Variants in C8orf89 observed in about 807,000 individuals in gnomAD.
C8orf89 encodes chromosome 8 open reading frame 89.
A neutral mutation model predicts 15.8 loss-of-function variants in C8orf89; 14 were observed. The ratio of observed to expected loss-of-function variants is 0.89; its 90% CI spans 0.59 to 1.39. C8orf89 has a LOEUF of 1.39. Ranked by LOEUF, C8orf89 falls within the 40% of genes most tolerant of loss-of-function variation. The pLI is 0.00. For synonymous variants in C8orf89, 55 were observed against 62.2 expected, an observed-to-expected ratio of 0.88 and a Z score of 0.54; for missense variants, 181 against 184.5, an observed-to-expected ratio of 0.98 and a Z score of 0.11.
At chr8:73,246,796 A>C (rs1813139236) in intron 3 of C8orf89, among the ~76,000 whole-genome samples, 2 of 152,224 alleles carry the variant, frequency 1.3e-5, no homozygotes, top group African/African-American at 4.8e-5. Flanking sequence ...AAGTTCATGA[A>C]CATTTAAACT....
At chr8:73,258,708 A>C (rs1813461961) in intron 1 of C8orf89, among the ~76,000 whole-genome samples, 1 of 149,194 alleles carries the variant, frequency 6.7e-6, no homozygotes, top group Non-Finnish European at 1.5e-5. Flanking sequence ...GGCTCACTGC[A>C]GCCTCACCCT....
upstream of C8orf89, among the ~76,000 whole-genome samples, chr8:73,260,093 AG>A (rs1813494886): frequency 6.6e-6 from 1 of 152,228 alleles, no homozygotes; most frequent in South Asian, 2.1e-4. Flanking sequence ...AGCCAGATTC[AG>A]CTATGCTTAT....
At chr8:73,274,823 C>T in the C8orf89 span, among the ~76,000 whole-genome samples, 1 of 151,982 alleles carries the variant, frequency 6.6e-6, no homozygotes, top group African/African-American at 2.4e-5. Flanking sequence ...TTTTTTCACT[C>T]GAGATTGAGT....
intron 2 of C8orf89, among the ~76,000 whole-genome samples, chr8:73,255,305 G>A (rs1044799472): frequency 1.1e-3 from 162 of 152,210 alleles, no homozygotes; most frequent in African/African-American, 3.5e-3. Flanking sequence ...AAAAGTGGGC[G>A]AAGGACACAA....
intron 3 of C8orf89, among the ~76,000 whole-genome samples, chr8:73,243,016 AC>A (rs1162694784): frequency 3.9e-5 from 6 of 152,338 alleles, no homozygotes; most frequent in African/African-American, 1.4e-4. Flanking sequence ...TATGGTTGGA[AC>A]TGGAGATCAT....
At chr8:73,275,678 C>T in the C8orf89 span, among the ~76,000 whole-genome samples, 2 of 152,054 alleles carry the variant, frequency 1.3e-5, no homozygotes, top group Non-Finnish European at 2.9e-5. Context: ...CATTTTTGTA[C>T]AGGGTTTTGT....
chr8:73,254,069 T>C, intron 2 of C8orf89, among the ~76,000 whole-genome samples: 1 of 152,198 alleles, frequency 6.6e-6, no homozygotes, highest in Non-Finnish European at 1.5e-5. Flanking sequence ...GGCTGTGGGT[T>C]TGTCATAGAT....
At chr8:73,281,846 C>A in the C8orf89 span, among the ~76,000 whole-genome samples, 1 of 152,182 alleles carries the variant, frequency 6.6e-6, no homozygotes, top group Non-Finnish European at 1.5e-5. Flanking sequence ...TAATGTGTAA[C>A]ACTGCAAGAA....
chr8:73,278,947 T>C, the C8orf89 span, among the ~76,000 whole-genome samples: 1 of 152,176 alleles, frequency 6.6e-6, no homozygotes, highest in Non-Finnish European at 1.5e-5. Flanking sequence ...TTCCCCCTTT[T>C]TAATTCTCAT....
chr8:73,250,425 G>T, intron 2 of C8orf89, 102 bp from the exon 3 acceptor site: 1 of 684,200 alleles, frequency 1.5e-6, no homozygotes, highest in Non-Finnish European at 2.4e-6. Flanking sequence ...TAAATGTTAA[G>T]GAAAGGAAAG....
chr8:73,260,179 G>A (rs1333902446), upstream of C8orf89, among the ~76,000 whole-genome samples: 5 of 152,302 alleles, frequency 3.3e-5, no homozygotes, highest in East Asian at 9.6e-4. Context: ...AGAGAAACAT[G>A]CTAAGCAAAA....
the C8orf89 span, among the ~76,000 whole-genome samples, chr8:73,275,707 G>A: frequency 6.6e-6 from 1 of 151,874 alleles, no homozygotes; most frequent in African/African-American, 2.4e-5. Flanking sequence ...TATTTGTAGT[G>A]CTTTATATTT....
upstream of C8orf89, among the ~76,000 whole-genome samples, chr8:73,263,450 G>A (rs1447173877): frequency 6.6e-6 from 1 of 151,536 alleles, no homozygotes; most frequent in Non-Finnish European, 1.5e-5. Context: ...AGAAGTAGAG[G>A]TTGCAGTGAG....
the C8orf89 span, among the ~76,000 whole-genome samples, chr8:73,273,088 C>T: frequency 6.6e-6 from 1 of 152,206 alleles, no homozygotes; most frequent in Non-Finnish European, 1.5e-5. Flanking sequence ...CAGCGGCAAC[C>T]GGCCTGGAGT....
In C8orf89 at chr8:73,259,498, G is replaced by A. The variant is rs1323733825; in HGVS notation, c.-40C>T. ...ACAGTGCTGATGAGAGGGAGATGCT[G>A]CTGCAGAGACAGGACACAAAATACA... is the stretch of plus-strand genomic sequence containing the variant. On this transcript the variant is annotated 5_prime_UTR_variant, in exon 1 of 4. Transcript: ENST00000624510. The A allele has an allele frequency of 4.2e-5, 60 of 1,423,110 alleles. No homozygotes were observed. In the East Asian group the frequency reaches 1.5e-3, roughly 36 times the overall value. 88.2% of individuals were successfully genotyped at this position (1,423,110 alleles called of 1,614,324 possible).
At chr8:73,274,436 C>A in the C8orf89 span, among the ~76,000 whole-genome samples, 1 of 152,166 alleles carries the variant, frequency 6.6e-6, no homozygotes, top group Non-Finnish European at 1.5e-5. Flanking sequence ...CAAGTGTGAG[C>A]CACCGCACCT....
At chr8:73,257,633 C>T (rs959559944) in intron 1 of C8orf89, among the ~76,000 whole-genome samples, 1 of 152,172 alleles carries the variant, frequency 6.6e-6, no homozygotes, top group African/African-American at 2.4e-5. Context: ...ATCTGTAAAC[C>T]ATCACCTTGA....
chr8:73,260,976 C>G (rs1813515342), upstream of C8orf89, among the ~76,000 whole-genome samples: 1 of 152,162 alleles, frequency 6.6e-6, no homozygotes, highest in South Asian at 2.1e-4. Flanking sequence ...CTTCATCTTT[C>G]TCCCATGCTG....
intron 1 of C8orf89, among the ~76,000 whole-genome samples, chr8:73,258,033 T>G (rs1342599118): frequency 6.6e-6 from 1 of 152,094 alleles, no homozygotes; most frequent in Non-Finnish European, 1.5e-5. Context: ...AATGGAAACC[T>G]GGTAAGAAAG....
Sources: gnomAD v4.1 joint callset for allele counts (sites outside exome capture counted in the v4.1 genomes callset) on GRCh38, gnomAD v4.1.1 for gene constraint, MANE v1.5 for transcripts, NCBI Gene and HGNC (gene_info 2026-07-23, HGNC 2026-07-21) for gene names.